Variants in MAP3K20 observed in about 807,000 individuals in gnomAD.
The protein encoded by MAP3K20 is mitogen-activated protein kinase kinase kinase 20, also known as HCCS-4.
MAP3K20 carries 40 observed loss-of-function variants against 85.7 expected under a neutral mutation model. The ratio of observed to expected loss-of-function variants is 0.47; its 90% CI spans 0.36 to 0.61. The LOEUF (loss-of-function observed/expected upper bound fraction) is 0.61. Among genes scored for constraint, MAP3K20 ranks in the 20% least tolerant of loss-of-function variants. The pLI, the probability that MAP3K20 is intolerant of heterozygous loss-of-function variation, is 0.00. For missense variants in MAP3K20, 817 were observed against 961.7 expected, an observed-to-expected ratio of 0.85 and a Z score of 1.99; for synonymous variants, 325 against 327.7, an observed-to-expected ratio of 0.99 and a Z score of 0.09.
At chr2:173,114,079 G>A (rs1688050287) in intron 2 of MAP3K20, among the ~76,000 whole-genome samples, 1 of 152,052 alleles carries the variant, frequency 6.6e-6, no homozygotes, top group Non-Finnish European at 1.5e-5. Flanking sequence ...CCAGTGTTAG[G>A]TGCATATATG....
At chr2:173,114,775 C>A (rs1688070412) in intron 2 of MAP3K20, among the ~76,000 whole-genome samples, 1 of 152,198 alleles carries the variant, frequency 6.6e-6, no homozygotes, top group African/African-American at 2.4e-5. Flanking sequence ...GAGAAATCTG[C>A]TGTTAATCTG....
chr2:173,125,846 T>C (rs967742845), intron 2 of MAP3K20, among the ~76,000 whole-genome samples: 16 of 152,074 alleles, frequency 1.1e-4, no homozygotes, highest in Admixed American at 9.8e-4. Context: ...GTATTTTTAG[T>C]AGAGATGGGG....
At chr2:173,076,179 G>T (rs1686851337) in intron 1 of MAP3K20, among the ~76,000 whole-genome samples, 177 bp downstream of exon 1, 1 of 151,428 alleles carries the variant, frequency 6.6e-6, no homozygotes. Context: ...GGCGGCGGCG[G>T]CCGGAGCGAG....
At chr2:173,159,767 A>C (rs960700674) in intron 2 of MAP3K20, among the ~76,000 whole-genome samples, 1 of 152,198 alleles carries the variant, frequency 6.6e-6, no homozygotes, top group Non-Finnish European at 1.5e-5. Flanking sequence ...TGTGATTTGG[A>C]AATAGCTCTT....
rs913275498 is a variant in MAP3K20 at position 173,267,189 on chromosome 2, G to A, written c.*439G>A. 6.5e-6 allele frequency: 1 copy of A among 153,036 alleles called. No homozygotes were observed. The highest frequency in any genetic ancestry group is 1.5e-5 in the Non-Finnish European group (1 of 68,710). The allele number at this position is 153,036 out of a possible 1,614,324, so 9.5% of individuals were successfully genotyped here. A position where few individuals can be genotyped will look rare whatever the true frequency, so the allele number is the denominator to read the frequency against. On this transcript the variant is annotated 3_prime_UTR_variant, in exon 20 of 20. Coordinates refer to ENST00000375213, the MANE Select transcript of MAP3K20 (RefSeq NM_016653.3). ...CTGGCAAGGCACTGTTACTGATCTT[G>A]TCTTTAACATTTTGATATTTTGTTC... is the stretch of plus-strand genomic sequence containing the variant.
chr2:173,234,059 T>G (rs1399504055), intron 14 of MAP3K20, among the ~76,000 whole-genome samples: 1 of 152,230 alleles, frequency 6.6e-6, no homozygotes, highest in Admixed American at 6.5e-5. Flanking sequence ...AAAAAGTATT[T>G]TCTGCAGTAC....
chr2:173,189,787 T>TC (rs903041810), intron 5 of MAP3K20, among the ~76,000 whole-genome samples: 25 of 152,304 alleles, frequency 1.6e-4, no homozygotes, highest in African/African-American at 6.0e-4. Context: ...ATCCTTGAGT[T>TC]CGCTTCCTTC....
chr2:173,174,164 T>C (rs1483092494), intron 3 of MAP3K20, among the ~76,000 whole-genome samples: 3 of 152,208 alleles, frequency 2.0e-5, no homozygotes, highest in Admixed American at 2.0e-4. Context: ...ATATTGCCTT[T>C]CTTGCAACTT....
At chr2:173,208,244 A>G (rs902420509) in intron 9 of MAP3K20, among the ~76,000 whole-genome samples, 2 of 152,032 alleles carry the variant, frequency 1.3e-5, no homozygotes, top group Non-Finnish European at 2.9e-5. Flanking sequence ...ATAAAAAACT[A>G]AAAAATTAGC....
chr2:173,137,408 G>A (rs60811527), intron 2 of MAP3K20, among the ~76,000 whole-genome samples: 1 of 152,058 alleles, frequency 6.6e-6, no homozygotes, highest in Non-Finnish European at 1.5e-5. Context: ...AATACCCTAT[G>A]TTCTCTGTTT....
chr2:173,223,802 CAT>C (rs1415977051), intron 11 of MAP3K20: 1 of 985,262 alleles, frequency 1.0e-6, no homozygotes, highest in African/African-American at 1.7e-5. Flanking sequence ...TGTGCTCAGA[CAT>C]AGAGAAGTAC....
At chr2:173,254,269 AC>A (rs1685108985) in intron 16 of MAP3K20, among the ~76,000 whole-genome samples, 1 of 148,838 alleles carries the variant, frequency 6.7e-6, no homozygotes, top group Non-Finnish European at 1.5e-5. Flanking sequence ...CAAAAAAAAA[AC>A]ACAAAAAATT....
chr2:173,260,453 G>C (rs1685262256), intron 17 of MAP3K20, among the ~76,000 whole-genome samples: 1 of 147,870 alleles, frequency 6.8e-6, no homozygotes. Flanking sequence ...CCTTAAACCT[G>C]AAGTGAAAGG....
At chr2:173,100,756 T>G (rs78818795) in intron 2 of MAP3K20, among the ~76,000 whole-genome samples, 5,326 of 152,278 alleles carry the variant, frequency 0.035, 337 homozygotes, top group African/African-American at 0.12. Context: ...CTTAAGGAAT[T>G]TTAAACGTGT....
At chr2:173,218,203 C>T (rs1296381345) in intron 11 of MAP3K20, among the ~76,000 whole-genome samples, 1 of 152,166 alleles carries the variant, frequency 6.6e-6, no homozygotes, top group Non-Finnish European at 1.5e-5. Flanking sequence ...AAGTCTTAAT[C>T]TTCATTAAGC....
intron 10 of MAP3K20, chr2:173,212,963 T>C (rs1173387829): frequency 6.6e-6 from 1 of 152,140 alleles, no homozygotes; most frequent in Non-Finnish European, 1.5e-5. Context: ...ATACAGAATA[T>C]GATCATTCCT....
At chr2:173,107,146 G>A (rs1687805106) in intron 2 of MAP3K20, among the ~76,000 whole-genome samples, 1 of 152,210 alleles carries the variant, frequency 6.6e-6, no homozygotes, top group Non-Finnish European at 1.5e-5. Flanking sequence ...GCTCATGAAT[G>A]ATGCAATCTC....
chr2:173,162,042 AAT>A (rs1245642108), intron 2 of MAP3K20, among the ~76,000 whole-genome samples: 1 of 152,212 alleles, frequency 6.6e-6, no homozygotes, highest in Non-Finnish European at 1.5e-5. Context: ...TGATTATAAA[AAT>A]TACATAGACT....
At chr2:173,107,468 T>C (rs1406353429) in intron 2 of MAP3K20, among the ~76,000 whole-genome samples, 1 of 152,166 alleles carries the variant, frequency 6.6e-6, no homozygotes, top group African/African-American at 2.4e-5. Flanking sequence ...GCCGGTTGTC[T>C]TGTGCTGACC....
Sources: allele counts gnomAD v4.1 joint callset (sites outside exome capture counted in the v4.1 genomes callset), GRCh38; gene constraint gnomAD v4.1.1; transcripts MANE v1.5; gene names NCBI Gene and HGNC (gene_info 2026-07-23, HGNC 2026-07-21).